CNTN4: variants seen among roughly 807,000 people sequenced by gnomAD.
CNTN4 encodes contactin-4.
CNTN4 carries 77 observed loss-of-function variants against 122.5 expected under a neutral mutation model. That is an observed-to-expected ratio of 0.63 (90% CI 0.52 to 0.76). The LOEUF (loss-of-function observed/expected upper bound fraction) is 0.76, where lower values mean the gene tolerates loss of function less well. Among genes scored for constraint, CNTN4 ranks in the 30% least tolerant of loss-of-function variants. CNTN4 has a pLI of 0.00. For missense variants in CNTN4, 1,256 were observed against 1,259.1 expected, an observed-to-expected ratio of 1.00 and a Z score of 0.04; for synonymous variants, 512 against 447.0, an observed-to-expected ratio of 1.15 and a Z score of -1.83.
chr3:2,810,327 A>G (rs2092574638), intron 6 of CNTN4, among the ~76,000 whole-genome samples: 1 of 152,206 alleles, frequency 6.6e-6, no homozygotes. Flanking sequence ...AATAGATAAT[A>G]TTTATAAAGT....
intron 7 of CNTN4, among the ~76,000 whole-genome samples, chr3:2,846,124 C>A (rs1213146249): frequency 6.6e-6 from 1 of 152,120 alleles, no homozygotes; most frequent in East Asian, 1.9e-4. Context: ...TGGAGAAATC[C>A]TGTAGTAAAG....
chr3:2,218,069 A>G (rs996786373), intron 2 of CNTN4, among the ~76,000 whole-genome samples: 2 of 152,176 alleles, frequency 1.3e-5, no homozygotes, highest in Non-Finnish European at 2.9e-5. Flanking sequence ...GCACGTGAAG[A>G]TCAAGGGGGA....
chr3:3,033,223 G>C (rs1170082363), intron 16 of CNTN4, among the ~76,000 whole-genome samples: 1 of 152,100 alleles, frequency 6.6e-6, no homozygotes, highest in African/African-American at 2.4e-5. Flanking sequence ...CTGGTTAAAA[G>C]GGGTCCCAAG....
chr3:2,547,178 G>C (rs964809250), intron 3 of CNTN4, among the ~76,000 whole-genome samples: 1 of 152,012 alleles, frequency 6.6e-6, no homozygotes, highest in South Asian at 2.1e-4. Context: ...CTACTAATAC[G>C]AGTGTCTTTT....
At chr3:2,575,875 G>T (rs1366083453) in intron 4 of CNTN4, among the ~76,000 whole-genome samples, 1 of 145,374 alleles carries the variant, frequency 6.9e-6, no homozygotes, top group Non-Finnish European at 1.5e-5. Context: ...AGGCTGGAGT[G>T]CAGGGGTGTG....
At chr3:2,586,839 A>G (rs762157165) in intron 4 of CNTN4, among the ~76,000 whole-genome samples, 4 of 152,044 alleles carry the variant, frequency 2.6e-5, no homozygotes, top group Non-Finnish European at 5.9e-5. Flanking sequence ...AACACCCAAC[A>G]TTTTATCTCT....
intron 4 of CNTN4, among the ~76,000 whole-genome samples, chr3:2,670,677 T>G (rs1271403001): frequency 6.6e-6 from 1 of 152,212 alleles, no homozygotes; most frequent in Non-Finnish European, 1.5e-5. Context: ...TGATGCAGTT[T>G]CTTCCTAGCC....
At position 3,038,934 on chromosome 3, in the gene CNTN4, C is replaced by G; in HGVS notation, c.2094C>G (p.Leu698=). ...PSEKRRTEEA[L]PEVTPANVSG... The stretch of plus-strand genomic sequence containing the variant: ...CTTGTTTTTTGTCTCCTTGTGCAGT[C>G]CCCGAAGTCACACCAGCGAATGTCA... The change falls in exon 19 of 25, where the codon CTC becomes CTG. Residue 698 remains leucine, a splice_region_variant and synonymous_variant. Coordinates refer to ENST00000418658, the MANE Select transcript of CNTN4 (RefSeq NM_175607.3). 1 of 1,613,976 alleles carries G rather than the reference C, an allele frequency of 6.2e-7. No homozygotes were observed. Among genetic ancestry groups the G allele is most frequent in the African/African-American group, 1.3e-5 (1 of 75,030 alleles).
intron 3 of CNTN4, among the ~76,000 whole-genome samples, chr3:2,473,091 C>T (rs567003928): frequency 1.6e-4 from 24 of 151,930 alleles, no homozygotes; most frequent in Non-Finnish European, 3.1e-4. Context: ...ATTAGCTGGG[C>T]GTGGTGGTGG....
chr3:2,782,685 A>G (rs1365912570), intron 6 of CNTN4, among the ~76,000 whole-genome samples: 2 of 152,124 alleles, frequency 1.3e-5, no homozygotes, highest in Admixed American at 1.3e-4. Flanking sequence ...AAAACTAGTA[A>G]CAACTTCACT....
chr3:2,760,154 C>G (rs146427783), intron 6 of CNTN4, among the ~76,000 whole-genome samples: 25 of 152,154 alleles, frequency 1.6e-4, no homozygotes, highest in African/African-American at 5.3e-4. Context: ...TGATGGTGTC[C>G]TTTGAAGCAC....
intron 4 of CNTN4, among the ~76,000 whole-genome samples, chr3:2,702,184 G>A (rs76219735): frequency 3.4e-4 from 52 of 152,290 alleles, no homozygotes; most frequent in African/African-American, 1.0e-3. Context: ...GTGGCCACCC[G>A]TTTGTTAGGG....
chr3:2,814,556 A>T (rs1220933843), intron 6 of CNTN4, among the ~76,000 whole-genome samples: 2 of 152,178 alleles, frequency 1.3e-5, no homozygotes, highest in African/African-American at 4.8e-5. Flanking sequence ...ACTTATACCA[A>T]CCCATCACAC....
At position 2,734,790 on chromosome 3, in the gene CNTN4, A is replaced by G. The variant is rs553668812; in HGVS notation, c.56-1425A>G. On this transcript the variant is annotated intron_variant, in intron 4 of 24. Transcript: ENST00000418658. ...TGAATTCAGTCTCATCCTATCACCT[A>G]TCAACAAAAGGCTGGTTATGAAGTT... 5.3e-5 allele frequency among the ~76,000 whole-genome samples: 8 copies of G among 152,026 alleles called. No individual in the cohort carries two copies. The South Asian group carries it at 6.2e-4, about 12-fold the overall frequency.
chr3:2,828,812 G>GTCA (rs1374044678), intron 7 of CNTN4, among the ~76,000 whole-genome samples: 2 of 152,106 alleles, frequency 1.3e-5, no homozygotes, highest in Non-Finnish European at 2.9e-5. Context: ...ACGATCATGG[G>GTCA]TCATTGCAGC....
intron 4 of CNTN4, among the ~76,000 whole-genome samples, chr3:2,621,947 C>T (rs1018843125): frequency 1.4e-4 from 22 of 152,166 alleles, no homozygotes; most frequent in African/African-American, 4.6e-4. Flanking sequence ...CATGCTGCTT[C>T]TTGATATCCA....
chr3:2,178,430 A>G (rs988232076), intron 2 of CNTN4, among the ~76,000 whole-genome samples: 4 of 151,388 alleles, frequency 2.6e-5, no homozygotes, highest in African/African-American at 7.3e-5. Context: ...TAATAGATTC[A>G]TGTTCATGTT....
intron 14 of CNTN4, among the ~76,000 whole-genome samples, chr3:3,007,681 A>T (rs1302912909): frequency 2.6e-5 from 4 of 152,226 alleles, no homozygotes; most frequent in Non-Finnish European, 5.9e-5. Flanking sequence ...GTGTGGTAAA[A>T]TATCCACTTA....
intron 14 of CNTN4, among the ~76,000 whole-genome samples, chr3:2,998,145 G>A (rs886991357): frequency 2.0e-5 from 3 of 152,146 alleles, no homozygotes; most frequent in African/African-American, 7.2e-5. Context: ...CACAGCATGG[G>A]TAGAACACCT....
Sources: allele counts gnomAD v4.1 joint callset (sites outside exome capture counted in the v4.1 genomes callset), GRCh38; gene constraint gnomAD v4.1.1; transcripts MANE v1.5; gene names NCBI Gene and HGNC (gene_info 2026-07-23, HGNC 2026-07-21).